NRXN1: variants seen among roughly 807,000 people sequenced by gnomAD.
NRXN1 encodes the protein neurexin-1.
In NRXN1, 39 loss-of-function variants were observed where a neutral mutation model predicts 150.9. That is an observed-to-expected ratio of 0.26 (90% CI 0.20 to 0.34). NRXN1 has a LOEUF of 0.34. NRXN1 is among the 10% of genes least tolerant of loss of function. The pLI is 1.00. For synonymous variants in NRXN1, 924 were observed against 757.0 expected (o/e 1.22, Z -3.62); for missense variants, 1,815 against 1,949.9 (o/e 0.93, Z 1.30).
At chr2:50,829,625 G>A in intron 5 of NRXN1, 1 of 1,611,908 alleles carries the variant, frequency 6.2e-7, no homozygotes, top group Non-Finnish European at 8.5e-7. Context: ...CTTTACTACT[G>A]GGGATTCCAG....
intron 17 of NRXN1, among the ~76,000 whole-genome samples, chr2:50,338,727 A>G (rs570226608): frequency 1.1e-3 from 161 of 152,088 alleles, no homozygotes; most frequent in African/African-American, 3.6e-3. Flanking sequence ...AAAAAGATAA[A>G]ACAATGTGTT....
chr2:50,856,798 A>G (rs950178695), intron 5 of NRXN1, among the ~76,000 whole-genome samples: 5 of 152,082 alleles, frequency 3.3e-5, no homozygotes, highest in Non-Finnish European at 5.9e-5. Flanking sequence ...TTTCAGAACA[A>G]TGGTTTACAA....
chr2:50,834,829 C>G (rs1671888055), intron 5 of NRXN1, among the ~76,000 whole-genome samples: 1 of 152,084 alleles, frequency 6.6e-6, no homozygotes, highest in Admixed American at 6.6e-5. Flanking sequence ...CTTTGTGGTG[C>G]TGAGGCAGAT....
At chr2:50,606,948 C>A (rs1677231138) in intron 8 of NRXN1, among the ~76,000 whole-genome samples, 1 of 150,130 alleles carries the variant, frequency 6.7e-6, no homozygotes, top group Admixed American at 6.6e-5. Flanking sequence ...TTTATTAAGA[C>A]TGCAAATGAA....
intron 17 of NRXN1, among the ~76,000 whole-genome samples, chr2:50,460,116 C>A (rs532294635): frequency 6.6e-6 from 1 of 152,204 alleles, no homozygotes; most frequent in African/African-American, 2.4e-5. Context: ...CTCTGGTTAG[C>A]TGGGCTCTGG....
intron 8 of NRXN1, among the ~76,000 whole-genome samples, chr2:50,601,169 A>G (rs1314283907): frequency 6.6e-6 from 1 of 152,208 alleles, no homozygotes; most frequent in African/African-American, 2.4e-5. Flanking sequence ...CCTAAACAGT[A>G]TGATATATAC....
intron 17 of NRXN1, among the ~76,000 whole-genome samples, chr2:50,254,317 G>C (rs760750053): frequency 7.2e-6 from 1 of 138,104 alleles, no homozygotes; most frequent in Admixed American, 7.2e-5. Flanking sequence ...TTTTTTATTA[G>C]TCTAGCTATC....
At chr2:50,925,033 T>C (rs766637462) in intron 3 of NRXN1, among the ~76,000 whole-genome samples, 7 of 151,852 alleles carry the variant, frequency 4.6e-5, no homozygotes, top group South Asian at 2.1e-4. Flanking sequence ...TGTCTTCCCA[T>C]ATACAAATAT....
chr2:50,563,378 G>C (rs1181185817), intron 8 of NRXN1, among the ~76,000 whole-genome samples: 1 of 152,150 alleles, frequency 6.6e-6, no homozygotes, highest in East Asian at 1.9e-4. Flanking sequence ...TACAACTATA[G>C]AGATAGATTA....
At chr2:50,234,365 G>C (rs1258688326) in intron 18 of NRXN1, among the ~76,000 whole-genome samples, 1 of 151,956 alleles carries the variant, frequency 6.6e-6, no homozygotes, top group Non-Finnish European at 1.5e-5. Flanking sequence ...GTGGTGGTGG[G>C]CACCTGTAAT....
In NRXN1 at chr2:50,496,030, G is replaced by C. The variant is rs748676231; in HGVS notation, c.2945C>G (p.Pro982Arg). 1.2e-6 allele frequency: 2 copies of C among 1,613,110 alleles called. No homozygotes were observed. Among genetic ancestry groups the C allele is most frequent in the East Asian group, 4.5e-5 (2 of 44,858 alleles). ...GTTGTGCCACTGATTGTCATTGAGA[G>C]GTTTATTTGAGCTTCCTTTGATGAG... ...ANLIKGSSNKPLNDNQWHNVM... is the reference protein window; with the variant it reads ...ANLIKGSSNKRLNDNQWHNVM... Residue 982 changes from proline to arginine, a missense_variant, in exon 15 of 23, where the codon CCT becomes CGT. Pro to Arg is a moderately radical substitution (Grantham distance 103). Transcript: ENST00000401669.
chr2:50,053,607 A>G lies in NRXN1; in HGVS notation c.3809-17T>C, dbSNP rs768544642. On this transcript the variant is annotated splice_polypyrimidine_tract_variant and intron_variant, in intron 20 of 22. Coordinates refer to ENST00000401669, the MANE Select transcript of NRXN1 (RefSeq NM_001330078.2). ...GCTGACGCCCTGTAAAAATAATATTACATACATGCAAAAATGTTGATTGTG... is the reference window on the plus strand; with the variant it reads ...GCTGACGCCCTGTAAAAATAATATTGCATACATGCAAAAATGTTGATTGTG... 6.2e-7 allele frequency: 1 copy of G among 1,612,662 alleles called. No homozygotes were observed. The highest frequency in any genetic ancestry group is 1.1e-5 in the South Asian group (1 of 91,036).
intron 5 of NRXN1, among the ~76,000 whole-genome samples, chr2:50,869,738 C>T (rs1479462853): frequency 6.6e-6 from 1 of 151,730 alleles, no homozygotes; most frequent in Non-Finnish European, 1.5e-5. Context: ...TTACATTAAG[C>T]CAAGTACAAC....
chr2:50,627,113 A>G (rs1681238615), intron 5 of NRXN1, among the ~76,000 whole-genome samples: 1 of 151,932 alleles, frequency 6.6e-6, no homozygotes, highest in Admixed American at 6.6e-5. Flanking sequence ...AAGGCTACCG[A>G]AAGTCATTCT....
chr2:50,187,048 C>A (rs1438695982), intron 18 of NRXN1, among the ~76,000 whole-genome samples: 1 of 151,944 alleles, frequency 6.6e-6, no homozygotes, highest in African/African-American at 2.4e-5. Context: ...TCCACTAAAA[C>A]AACATAAAAT....
chr2:49,968,677 C>A (rs1230348356), intron 21 of NRXN1, among the ~76,000 whole-genome samples: 1 of 151,994 alleles, frequency 6.6e-6, no homozygotes, highest in Non-Finnish European at 1.5e-5. Flanking sequence ...AAACATACAG[C>A]GAAATAACAT....
At chr2:50,100,585 C>T (rs537274419) in intron 18 of NRXN1, among the ~76,000 whole-genome samples, 1 of 152,140 alleles carries the variant, frequency 6.6e-6, no homozygotes, top group Admixed American at 6.6e-5. Flanking sequence ...AAGACATTCT[C>T]AAACCATTAT....
chr2:50,522,297 T>C (rs2092809882), intron 12 of NRXN1, among the ~76,000 whole-genome samples: 1 of 152,246 alleles, frequency 6.6e-6, no homozygotes, highest in South Asian at 2.1e-4. Context: ...TCTTGGATTT[T>C]ATAATACTTT....
At chr2:50,703,302 G>T (rs1187932469) in intron 5 of NRXN1, among the ~76,000 whole-genome samples, 14 of 152,080 alleles carry the variant, frequency 9.2e-5, no homozygotes. Flanking sequence ...AATGGCATAT[G>T]TTTAACAGAT....
Sources: allele counts gnomAD v4.1 joint callset (sites outside exome capture counted in the v4.1 genomes callset), GRCh38; gene constraint gnomAD v4.1.1; transcripts MANE v1.5; gene names NCBI Gene and HGNC (gene_info 2026-07-23, HGNC 2026-07-21).